The following CYP2C19 variants were observed in gnomAD, a reference collection of about 807,000 sequenced individuals.
The protein encoded by CYP2C19 is cytochrome P450 2C19.
A neutral mutation model predicts 40.9 loss-of-function variants in CYP2C19; 59 were observed. The ratio of observed to expected loss-of-function variants is 1.44; its 90% CI spans 1.17 to 1.79. The LOEUF (loss-of-function observed/expected upper bound fraction) is 1.79, where lower values mean the gene tolerates loss of function less well. Ranked by LOEUF, CYP2C19 falls within the 40% of genes most tolerant of loss-of-function variation. The pLI is 0.00. For synonymous variants in CYP2C19, 253 were observed against 208.7 expected (o/e 1.21, Z -1.83); for missense variants, 754 against 596.9 (o/e 1.26, Z -2.74).
At chr10:94,841,907 C>A (rs998696830) in intron 6 of CYP2C19, among the ~76,000 whole-genome samples, 1 of 152,084 alleles carries the variant, frequency 6.6e-6, no homozygotes, top group African/African-American at 2.4e-5. Flanking sequence ...GTTCTGTGAC[C>A]TAATATCTGG....
chr10:94,794,016 A>G (rs1848647394), intron 5 of CYP2C19, among the ~76,000 whole-genome samples: 1 of 152,020 alleles, frequency 6.6e-6, no homozygotes, highest in South Asian at 2.1e-4. Context: ...ACCCAGTTCG[A>G]GCTTCCTGGC....
intron 3 of CYP2C19, chr10:94,775,815 A>G (rs1023555524): frequency 3.8e-6 from 2 of 521,110 alleles, no homozygotes; most frequent in African/African-American, 1.9e-5. Flanking sequence ...GAAATGATGA[A>G]TATAGATTTT....
At chr10:94,799,659 A>G (rs931618113) in intron 5 of CYP2C19, among the ~76,000 whole-genome samples, 2 of 151,876 alleles carry the variant, frequency 1.3e-5, no homozygotes, top group Non-Finnish European at 2.9e-5. Flanking sequence ...TGGTCTTTTC[A>G]CATAGTCCAA....
Position 94,775,373 on chromosome 10 carries a change from G to C in CYP2C19, c.332-17G>C, listed in dbSNP as rs758810954. The C allele has an allele frequency of 6.2e-7, 1 of 1,613,576 alleles. No individual in the cohort carries two copies. The highest frequency in any genetic ancestry group is 1.7e-5 in the Admixed American group (1 of 60,010). ...TGCCTGGGATCTCCCTCCTAGTTTC[G>C]TTTCTCTTCCTGTTAGGAATCGTTT... is the stretch of plus-strand genomic sequence containing the variant. On this transcript the variant is annotated splice_polypyrimidine_tract_variant and intron_variant, in intron 2 of 8. Coordinates refer to ENST00000371321, the MANE Select transcript of CYP2C19 (RefSeq NM_000769.4).
chr10:94,822,036 G>A (rs1346626028), intron 6 of CYP2C19, among the ~76,000 whole-genome samples: 2 of 152,116 alleles, frequency 1.3e-5, no homozygotes, highest in African/African-American at 4.8e-5. Context: ...GTGAGAACAG[G>A]TGGTATTTGG....
At chr10:94,795,282 C>T (rs1242775859) in intron 5 of CYP2C19, among the ~76,000 whole-genome samples, 1 of 151,472 alleles carries the variant, frequency 6.6e-6, no homozygotes, top group Non-Finnish European at 1.5e-5. Context: ...CCATAGTTTG[C>T]TGAGAATGAT....
chr10:94,790,051 G>A (rs909567377), intron 5 of CYP2C19, among the ~76,000 whole-genome samples: 39 of 152,080 alleles, frequency 2.6e-4, no homozygotes, highest in African/African-American at 9.2e-4. Context: ...CCTTGAAGAG[G>A]TCCTTCACAT....
intron 1 of CYP2C19, among the ~76,000 whole-genome samples, chr10:94,765,269 G>C (rs1848224445): frequency 6.6e-6 from 1 of 152,116 alleles, no homozygotes; most frequent in Non-Finnish European, 1.5e-5. Context: ...GTTGAGTTTT[G>C]AGGGGTACTG....
At chr10:94,851,443 CAAATAAAT>C (rs71031598) in intron 8 of CYP2C19, among the ~76,000 whole-genome samples, 42,177 of 142,786 alleles carry the variant, frequency 0.3, 6,652 homozygotes, top group East Asian at 0.49. Context: ...TACCAGCACA[CAAATAAAT>C]AAATAAATAA....
At chr10:94,777,575 G>C (rs1304237874) in intron 3 of CYP2C19, among the ~76,000 whole-genome samples, 1 of 152,120 alleles carries the variant, frequency 6.6e-6, no homozygotes, top group African/African-American at 2.4e-5. Context: ...TTAATAAATG[G>C]TGTTGGACAA....
chr10:94,827,711 G>C (rs1318167177), intron 6 of CYP2C19, among the ~76,000 whole-genome samples: 1 of 152,104 alleles, frequency 6.6e-6, no homozygotes, highest in Non-Finnish European at 1.5e-5. Context: ...GCTAGCATTT[G>C]AATGTGTTTG....
intron 5 of CYP2C19, among the ~76,000 whole-genome samples, chr10:94,784,779 AG>A (rs1293575201): frequency 1.3e-5 from 2 of 151,940 alleles, no homozygotes; most frequent in African/African-American, 4.8e-5. Flanking sequence ...TGGTAGAGAT[AG>A]GGTTTCACCA....
intron 6 of CYP2C19, among the ~76,000 whole-genome samples, chr10:94,832,441 C>T (rs1303540902): frequency 6.6e-6 from 1 of 152,114 alleles, no homozygotes; most frequent in Non-Finnish European, 1.5e-5. Context: ...TGGGGGAAAC[C>T]ACCCCATGTT....
chr10:94,788,979 T>C (rs1239651050), intron 5 of CYP2C19, among the ~76,000 whole-genome samples: 1 of 152,012 alleles, frequency 6.6e-6, no homozygotes, highest in Non-Finnish European at 1.5e-5. Context: ...GTAAAAATAT[T>C]CTATTTCTCC....
At chr10:94,792,160 T>C (rs530559499) in intron 5 of CYP2C19, among the ~76,000 whole-genome samples, 1 of 152,272 alleles carries the variant, frequency 6.6e-6, no homozygotes, top group South Asian at 2.1e-4. Flanking sequence ...TTAAAGTCTG[T>C]TTTATCAGAG....
At chr10:94,765,450 G>C (rs757806702) in intron 1 of CYP2C19, among the ~76,000 whole-genome samples, 2 of 152,102 alleles carry the variant, frequency 1.3e-5, no homozygotes, top group Non-Finnish European at 2.9e-5. Flanking sequence ...GTGTGTGTTT[G>C]TTGTTTTCAT....
intron 5 of CYP2C19, among the ~76,000 whole-genome samples, chr10:94,812,837 T>C (rs1030314035): frequency 2.6e-5 from 4 of 152,048 alleles, no homozygotes; most frequent in Admixed American, 1.3e-4. Context: ...AGTTTGTTAT[T>C]ACACACCTTC....
At chr10:94,822,877 C>G (rs1437216915) in intron 6 of CYP2C19, among the ~76,000 whole-genome samples, 1 of 151,738 alleles carries the variant, frequency 6.6e-6, no homozygotes, top group African/African-American at 2.4e-5. Context: ...TGTATGTCAT[C>G]TTTTGAGAAG....
At chr10:94,767,351 C>G (rs1284644922) in intron 1 of CYP2C19, among the ~76,000 whole-genome samples, 1 of 152,160 alleles carries the variant, frequency 6.6e-6, no homozygotes. Context: ...AAAGCCAGAC[C>G]ATTGTCACTC....
Sources: gnomAD v4.1 joint callset for allele counts (sites outside exome capture counted in the v4.1 genomes callset) on GRCh38, gnomAD v4.1.1 for gene constraint, MANE v1.5 for transcripts, NCBI Gene and HGNC (gene_info 2026-07-23, HGNC 2026-07-21) for gene names.